The following CCSER1 variants were observed in gnomAD, a reference collection of about 807,000 sequenced individuals.
The protein encoded by CCSER1 is serine-rich coiled-coil domain-containing protein 1.
Under a neutral mutation model 82.0 loss-of-function variants are expected in CCSER1, and 41 were observed. That is an observed-to-expected ratio of 0.50 (90% CI 0.39 to 0.65). CCSER1 has a LOEUF of 0.65. Among genes scored for constraint, CCSER1 ranks in the 30% least tolerant of loss-of-function variants. The probability of loss-of-function intolerance (pLI) is 0.00; values close to 1 mark genes in which losing one functional copy is unlikely to be tolerated. For missense variants in CCSER1, 1,119 were observed against 1,064.2 expected (o/e 1.05, Z -0.72); for synonymous variants, 414 against 383.9 (o/e 1.08, Z -0.92).
intron 10 of CCSER1, among the ~76,000 whole-genome samples, chr4:91,250,576 T>C (rs542462296): frequency 6.6e-6 from 1 of 151,740 alleles, no homozygotes; most frequent in East Asian, 1.9e-4. Context: ...TTAAAAAATA[T>C]ATATATATTT....
chr4:91,189,292 G>A (rs1182044930), intron 10 of CCSER1, among the ~76,000 whole-genome samples: 1 of 152,036 alleles, frequency 6.6e-6, no homozygotes, highest in Non-Finnish European at 1.5e-5. Flanking sequence ...TAGAATCCAA[G>A]TATTCTAAGA....
At chr4:90,671,911 A>G (rs1268967990) in intron 6 of CCSER1, among the ~76,000 whole-genome samples, 1 of 152,026 alleles carries the variant, frequency 6.6e-6, no homozygotes, top group Non-Finnish European at 1.5e-5. Context: ...GTCCATCTCC[A>G]TCAGAGAGTC....
chr4:91,289,224 A>G (rs1743565839), intron 10 of CCSER1, among the ~76,000 whole-genome samples: 1 of 152,002 alleles, frequency 6.6e-6, no homozygotes, highest in South Asian at 2.1e-4. Context: ...AAGGCTTCAT[A>G]GAAGGAAAAG....
At chr4:90,167,662 C>T (rs1175476482) in intron 1 of CCSER1, among the ~76,000 whole-genome samples, 1 of 143,972 alleles carries the variant, frequency 6.9e-6, no homozygotes, top group Non-Finnish European at 1.5e-5. Context: ...GTGTGATGTT[C>T]CCCTTCCTGT....
intron 6 of CCSER1, among the ~76,000 whole-genome samples, chr4:90,700,187 T>C (rs971785812): frequency 2.6e-5 from 4 of 152,072 alleles, no homozygotes; most frequent in African/African-American, 9.7e-5. Context: ...CCTTCCTGTG[T>C]CCAAGTGTTC....
chr4:90,584,177 C>T lies in CCSER1; in HGVS notation c.1725-43848C>T, dbSNP rs190818189. On this transcript the variant is annotated intron_variant, in intron 5 of 10. Transcript: ENST00000509176. Reference sequence around the variant, plus strand: ...GGGATTATGCATGTTTAATTAATGTCTCAAATCATTGATCTCAACATAAGG... The same window carrying T: ...GGGATTATGCATGTTTAATTAATGTTTCAAATCATTGATCTCAACATAAGG... 5.3e-5 allele frequency among the ~76,000 whole-genome samples: 8 copies of T among 152,028 alleles called. No individual in the cohort carries two copies. In the East Asian group the frequency reaches 1.5e-3, roughly 29 times the overall value.
chr4:90,704,936 G>A (rs1739007229), intron 6 of CCSER1, among the ~76,000 whole-genome samples: 1 of 152,156 alleles, frequency 6.6e-6, no homozygotes, highest in Non-Finnish European at 1.5e-5. Context: ...CTGTAGCTTG[G>A]AGAAGTTTGA....
chr4:90,583,871 G>A lies in CCSER1; in HGVS notation c.1725-44154G>A, dbSNP rs550777233. Among the ~76,000 whole-genome samples, 45 of 152,010 alleles carry A rather than the reference G, an allele frequency of 3.0e-4. No individual in the cohort carries two copies. The South Asian group carries it at 9.0e-3, about 30-fold the overall frequency. On this transcript the variant is annotated intron_variant, in intron 5 of 10. Transcript: ENST00000509176. ...AATACAATTATTTTAGGGATAAAAT[G>A]TAATTCATGTTATCTTTGAAATATG...
At chr4:90,614,502 T>C (rs534777247) in intron 5 of CCSER1, among the ~76,000 whole-genome samples, 2 of 152,324 alleles carry the variant, frequency 1.3e-5, no homozygotes, top group South Asian at 4.1e-4. Context: ...TTAAAAGTGC[T>C]ACTTCAGTGA....
intron 10 of CCSER1, among the ~76,000 whole-genome samples, chr4:91,570,455 C>T (rs574134922): frequency 1.3e-5 from 2 of 152,212 alleles, no homozygotes; most frequent in African/African-American, 2.4e-5. Flanking sequence ...CCTGGACATC[C>T]AGGTGTTTTT....
At chr4:91,290,001 G>A (rs1454369874) in intron 10 of CCSER1, among the ~76,000 whole-genome samples, 1 of 151,938 alleles carries the variant, frequency 6.6e-6, no homozygotes, top group Non-Finnish European at 1.5e-5. Context: ...TATCTACAAA[G>A]AAACAAAGAC....
intron 5 of CCSER1, among the ~76,000 whole-genome samples, chr4:90,533,564 G>A (rs953020297): frequency 6.6e-6 from 1 of 152,122 alleles, no homozygotes; most frequent in Admixed American, 6.5e-5. Context: ...TCACTCACTG[G>A]TTTTTTAGAG....
At chr4:90,643,765 T>C (rs1382412069) in intron 6 of CCSER1, among the ~76,000 whole-genome samples, 1 of 152,168 alleles carries the variant, frequency 6.6e-6, no homozygotes, top group Admixed American at 6.5e-5. Context: ...AATTCAGTTT[T>C]GTTTAATTTC....
intron 9 of CCSER1, among the ~76,000 whole-genome samples, chr4:91,083,171 T>C (rs1030642447): frequency 2.0e-4 from 30 of 152,258 alleles, no homozygotes; most frequent in African/African-American, 6.5e-4. Flanking sequence ...CAAATGTCCA[T>C]CAATGATAGA....
intron 6 of CCSER1, among the ~76,000 whole-genome samples, chr4:90,692,483 A>G (rs1736183155): frequency 6.6e-6 from 1 of 151,968 alleles, no homozygotes; most frequent in Non-Finnish European, 1.5e-5. Context: ...AAAGGGAAAA[A>G]TTAAGAAGAG....
rs534953725 is a variant in CCSER1, at chr4:90,512,657, C to T, written c.1724+44303C>T. Among the ~76,000 whole-genome samples, 21 of 152,208 alleles carry T rather than the reference C, an allele frequency of 1.4e-4. 2 individuals carry two copies. The highest frequency in any genetic ancestry group is 4.3e-4 in the African/African-American group (18 of 41,560). On this transcript the variant is annotated intron_variant, in intron 5 of 10. Transcript: ENST00000509176. ...TAACTGAAAATATGTTTGTATCTTA[C>T]ACTGTGATATATTCCAATAAAATGA...
chr4:90,747,746 C>T (rs996677876), intron 7 of CCSER1, among the ~76,000 whole-genome samples: 1 of 150,816 alleles, frequency 6.6e-6, no homozygotes, highest in Admixed American at 6.6e-5. Context: ...TGGTGCGCTG[C>T]ACCCAGTAAC....
At chr4:90,942,949 C>CAT (rs35680938) in intron 9 of CCSER1, among the ~76,000 whole-genome samples, 18,968 of 145,036 alleles carry the variant, frequency 0.13, 1,337 homozygotes, top group African/African-American at 0.2. Context: ...AATTATTTTT[C>CAT]ATATATATAT....
chr4:91,152,621 C>T lies in CCSER1; in HGVS notation c.2217+66627C>T, dbSNP rs1004926850. Among the ~76,000 whole-genome samples, 20 of 152,282 alleles carry T rather than the reference C, an allele frequency of 1.3e-4. 1 individual carries two copies. The highest frequency in any genetic ancestry group is 4.6e-4 in the African/African-American group (19 of 41,554). ...GCAGTTTCTTCCTAGCATCAATGGT[C>T]TTCACAATTTGGCATGTTTTTGCAG... On this transcript the variant is annotated intron_variant, in intron 10 of 10. Coordinates refer to ENST00000509176, the MANE Select transcript of CCSER1 (RefSeq NM_001145065.2).
Sources: allele counts gnomAD v4.1 joint callset (sites outside exome capture counted in the v4.1 genomes callset), GRCh38; gene constraint gnomAD v4.1.1; transcripts MANE v1.5; gene names NCBI Gene and HGNC (gene_info 2026-07-23, HGNC 2026-07-21).